SPOCK3: variants seen among roughly 807,000 people sequenced by gnomAD.
The protein encoded by SPOCK3 is SPARC (osteonectin), cwcv and kazal like domains proteoglycan 3, also known as testican-3.
SPOCK3 carries 30 observed loss-of-function variants against 56.6 expected under a neutral mutation model. The ratio of observed to expected loss-of-function variants is 0.53; its 90% CI spans 0.40 to 0.72. The LOEUF (loss-of-function observed/expected upper bound fraction) is 0.72. SPOCK3 is among the 30% of genes least tolerant of loss of function. The pLI is 0.00. For missense variants in SPOCK3, 527 were observed against 530.0 expected, an observed-to-expected ratio of 0.99 and a Z score of 0.06; for synonymous variants, 196 against 183.3, an observed-to-expected ratio of 1.07 and a Z score of -0.56.
At chr4:167,221,441 G>A (rs1036773691) in intron 2 of SPOCK3, among the ~76,000 whole-genome samples, 5 of 152,096 alleles carry the variant, frequency 3.3e-5, no homozygotes, top group Middle Eastern at 3.4e-3. Context: ...GTTTTAAAGT[G>A]GTCAACTGTT....
At chr4:167,183,900 A>C (rs1731720940) in intron 2 of SPOCK3, among the ~76,000 whole-genome samples, 1 of 152,202 alleles carries the variant, frequency 6.6e-6, no homozygotes. Context: ...CTAGACATAG[A>C]AACTTTTATT....
intron 7 of SPOCK3, among the ~76,000 whole-genome samples, chr4:166,782,187 T>C (rs1402422112): frequency 6.6e-6 from 1 of 152,282 alleles, no homozygotes; most frequent in Admixed American, 6.5e-5. Flanking sequence ...TCCACTGTAC[T>C]ATCAAACATG....
chr4:167,168,702 T>G (rs1321422702), intron 2 of SPOCK3, among the ~76,000 whole-genome samples: 1 of 152,076 alleles, frequency 6.6e-6, no homozygotes, highest in East Asian at 1.9e-4. Context: ...GGGGAGAAAT[T>G]CCAGCAGTTG....
chr4:167,035,638 A>G (rs1752681764), intron 3 of SPOCK3, among the ~76,000 whole-genome samples: 2 of 151,996 alleles, frequency 1.3e-5, no homozygotes, highest in East Asian at 1.9e-4. Flanking sequence ...CCAATCTGCA[A>G]TTTTCACAGT....
intron 2 of SPOCK3, among the ~76,000 whole-genome samples, chr4:167,142,092 C>T (rs815232): frequency 0.17 from 26,379 of 151,818 alleles, 2,442 homozygotes; most frequent in Admixed American, 0.22. Flanking sequence ...ATTGACACAT[C>T]AATTAAGTAT....
chr4:167,089,444 C>T (rs1333292559), intron 2 of SPOCK3, among the ~76,000 whole-genome samples: 2 of 152,014 alleles, frequency 1.3e-5, no homozygotes, highest in Non-Finnish European at 2.9e-5. Context: ...AGCCCGTGCA[C>T]TGATATGACA....
chr4:167,201,818 C>A (rs556520227), intron 2 of SPOCK3, among the ~76,000 whole-genome samples: 2 of 151,796 alleles, frequency 1.3e-5, no homozygotes, highest in South Asian at 4.1e-4. Flanking sequence ...TCTAAGGATC[C>A]TAACTAAAGA....
intron 3 of SPOCK3, chr4:167,011,073 T>C (rs1485199568): frequency 3.7e-6 from 1 of 266,828 alleles, no homozygotes; most frequent in Non-Finnish European, 7.7e-6. Flanking sequence ...AACTCAATTA[T>C]ATCAAAACTC....
chr4:167,172,906 T>C (rs1293941264), intron 2 of SPOCK3, among the ~76,000 whole-genome samples: 2 of 152,174 alleles, frequency 1.3e-5, no homozygotes, highest in African/African-American at 4.8e-5. Context: ...AAATAATATT[T>C]CAGGTAGAAA....
At chr4:166,834,543 T>C (rs1746414049) in intron 6 of SPOCK3, among the ~76,000 whole-genome samples, 2 of 152,258 alleles carry the variant, frequency 1.3e-5, no homozygotes, top group Admixed American at 6.5e-5. Context: ...CGCTTTCTAC[T>C]GCCAAGGAGA....
chr4:167,145,831 A>C (rs868858975), intron 2 of SPOCK3, among the ~76,000 whole-genome samples: 11 of 152,298 alleles, frequency 7.2e-5, no homozygotes, highest in Middle Eastern at 3.4e-3. Flanking sequence ...GGAAAGGGAC[A>C]ACCAGTACCA....
At chr4:166,819,054 T>C (rs1490643959) in intron 6 of SPOCK3, among the ~76,000 whole-genome samples, 5 of 151,990 alleles carry the variant, frequency 3.3e-5, no homozygotes, top group Non-Finnish European at 7.4e-5. Flanking sequence ...ATAAAGCAAA[T>C]CCAAATCCTT....
rs1288272975 is a variant in SPOCK3, at chr4:166,889,134, C to T, written c.585G>A (p.Lys195=). Residue 195 remains lysine, a synonymous_variant, in exon 6 of 11, where the codon AAG becomes AAA. Transcript: ENST00000357545. ...AAATATATTTTTGTCACTTACCTCT[C>T]TTAACATTTCTGCTTGTACTGGTGG... ...DKPTSTSRNV[K]RACSDLEFRE... is the part of the protein sequence containing the mutation. The T allele has an allele frequency of 1.3e-6, 2 of 1,589,964 alleles. No homozygotes were observed. Among genetic ancestry groups the T allele is most frequent in the Non-Finnish European group, 1.7e-6 (2 of 1,159,276 alleles).
At chr4:167,052,391 G>A (rs1244797206) in intron 3 of SPOCK3, among the ~76,000 whole-genome samples, 1 of 152,098 alleles carries the variant, frequency 6.6e-6, no homozygotes, top group Non-Finnish European at 1.5e-5. Context: ...AGCCAATATG[G>A]ATGATACAAC....
intron 4 of SPOCK3, among the ~76,000 whole-genome samples, chr4:166,943,421 A>C (rs1021822633): frequency 6.6e-6 from 1 of 152,224 alleles, no homozygotes; most frequent in Non-Finnish European, 1.5e-5. Context: ...TATAAAAAAG[A>C]GACATAATAG....
At chr4:166,921,913 T>C (rs1738534913) in intron 4 of SPOCK3, among the ~76,000 whole-genome samples, 1 of 152,154 alleles carries the variant, frequency 6.6e-6, no homozygotes, top group African/African-American at 2.4e-5. Context: ...TGTTTAGTTA[T>C]TTGCTCATAA....
chr4:166,801,757 G>A (rs1192561361), intron 6 of SPOCK3, among the ~76,000 whole-genome samples: 1 of 152,052 alleles, frequency 6.6e-6, no homozygotes, highest in Non-Finnish European at 1.5e-5. Context: ...AAATGAAGTA[G>A]TATAGGTATG....
chr4:166,832,499 GT>G (rs1746188097), intron 6 of SPOCK3, among the ~76,000 whole-genome samples: 1 of 152,220 alleles, frequency 6.6e-6, no homozygotes, highest in African/African-American at 2.4e-5. Context: ...GTGGAAATCA[GT>G]TTGGAAATTT....
At chr4:167,109,309 A>C (rs1358790506) in intron 2 of SPOCK3, among the ~76,000 whole-genome samples, 1 of 88,796 alleles carries the variant, frequency 1.1e-5, no homozygotes, top group African/African-American at 4.6e-5. Flanking sequence ...ATAATTATTA[A>C]TATATTAATA....
Sources: allele counts gnomAD v4.1 joint callset (sites outside exome capture counted in the v4.1 genomes callset), GRCh38; gene constraint gnomAD v4.1.1; transcripts MANE v1.5; gene names NCBI Gene and HGNC (gene_info 2026-07-23, HGNC 2026-07-21).